TULP4: variants seen among roughly 807,000 people sequenced by gnomAD.
The protein encoded by TULP4 is tubby-related protein 4.
In TULP4, 16 loss-of-function variants were observed where a neutral mutation model predicts 129.0. The observed-to-expected ratio is 0.12, with a 90% CI of 0.08 to 0.19. TULP4 has a LOEUF of 0.19. TULP4 is among the 10% of genes least tolerant of loss of function. TULP4 has a pLI of 1.00. For missense variants in TULP4, 1,842 were observed against 2,059.1 expected, an observed-to-expected ratio of 0.89 and a Z score of 2.04; for synonymous variants, 998 against 854.0, an observed-to-expected ratio of 1.17 and a Z score of -2.94.
At position 158,394,786 on chromosome 6, in the gene TULP4, C is replaced by CAAAAAAAAAAAAA. The variant is rs71030166; in HGVS notation, c.253-18263_253-18251dup. On this transcript the variant is annotated intron_variant, in intron 1 of 13. Transcript: ENST00000367097. ...TGGGCAACTGAGCAAGGCTCTGTCT[C>CAAAAAAAAAAAAA]AAAAAAAAAAAAAAAAAAAAAAAAA... Among the ~76,000 whole-genome samples the CAAAAAAAAAAAAA allele has an allele frequency of 6.1e-4, 28 of 46,016 alleles. 5 individuals are homozygous for CAAAAAAAAAAAAA. Among genetic ancestry groups the CAAAAAAAAAAAAA allele is most frequent in the African/African-American group, 1.6e-3 (15 of 9,448 alleles). 30.2% of individuals were successfully genotyped at this position (46,016 alleles called of 152,430 possible).
chr6:158,365,770 C>T (rs1031163001), intron 1 of TULP4, among the ~76,000 whole-genome samples: 18 of 151,484 alleles, frequency 1.2e-4, no homozygotes, highest in Admixed American at 9.8e-4. Flanking sequence ...CGCGCCCGGC[C>T]TGGAAGTTTT....
intron 1 of TULP4, among the ~76,000 whole-genome samples, chr6:158,375,515 AC>A (rs1283585849): frequency 2.6e-5 from 4 of 152,202 alleles, no homozygotes; most frequent in African/African-American, 9.7e-5. Flanking sequence ...GTGCAGAAGA[AC>A]AGGAGTGAGA....
chr6:158,240,739 G>C (rs1583666776), intron 1 of TULP4, among the ~76,000 whole-genome samples: 1 of 130,592 alleles, frequency 7.7e-6, no homozygotes, highest in African/African-American at 2.6e-5. Flanking sequence ...GGCTGGCCGG[G>C]CGGGGGGCTG....
chr6:158,318,138 T>C (rs1485625118), intron 1 of TULP4, among the ~76,000 whole-genome samples: 1 of 152,162 alleles, frequency 6.6e-6, no homozygotes, highest in African/African-American at 2.4e-5. Context: ...TTTTTACTTT[T>C]AGTTAATTTC....
chr6:158,296,788 C>G (rs1779042741), intron 1 of TULP4, among the ~76,000 whole-genome samples: 1 of 152,066 alleles, frequency 6.6e-6, no homozygotes, highest in East Asian at 1.9e-4. Flanking sequence ...TCAAAACCAA[C>G]AAGTTTTTAT....
At position 158,379,412 on chromosome 6, in the gene TULP4, G is replaced by A. The variant is rs187774562; in HGVS notation, c.253-33653G>A. On this transcript the variant is annotated intron_variant, in intron 1 of 13. Coordinates refer to ENST00000367097, the MANE Select transcript of TULP4 (RefSeq NM_020245.5). Reference sequence around the variant, plus strand: ...TGCTCAGTCCAGAGCAGTTATTAGGGGACTTATGGACAGAGTGCTGCAGCA... The same window carrying A: ...TGCTCAGTCCAGAGCAGTTATTAGGAGACTTATGGACAGAGTGCTGCAGCA... 4.6e-5 allele frequency among the ~76,000 whole-genome samples: 7 copies of A among 152,292 alleles called. No individual in the cohort carries two copies. In the East Asian group the frequency reaches 1.4e-3, roughly 29 times the overall value.
At chr6:158,343,601 T>C (rs1774553) in intron 1 of TULP4, among the ~76,000 whole-genome samples, 130,907 of 152,000 alleles carry the variant, frequency 0.86, 56,804 homozygotes, top group South Asian at 0.93. Flanking sequence ...CCACCTGCAG[T>C]CCAGAAAAGA....
At chr6:158,392,199 G>A (rs532446259) in intron 1 of TULP4, among the ~76,000 whole-genome samples, 5 of 152,136 alleles carry the variant, frequency 3.3e-5, no homozygotes, top group African/African-American at 4.8e-5. Context: ...TTGTGCAGGG[G>A]AACTAATCTT....
chr6:158,402,388 T>C (rs1777872698), intron 1 of TULP4, among the ~76,000 whole-genome samples: 2 of 152,196 alleles, frequency 1.3e-5, no homozygotes, highest in South Asian at 4.1e-4. Flanking sequence ...AGAGAGGATG[T>C]GGATGGAGTC....
At chr6:158,253,446 G>A (rs529527360) in intron 1 of TULP4, among the ~76,000 whole-genome samples, 9 of 152,314 alleles carry the variant, frequency 5.9e-5, no homozygotes, top group Admixed American at 4.6e-4. Context: ...GAGATGGAGA[G>A]GGCGGGCAGG....
Position 158,479,948 on chromosome 6 carries a change from C to G in TULP4, c.1224C>G (p.Leu408=), listed in dbSNP as rs745319492. 9 of 1,608,880 alleles carry G rather than the reference C, an allele frequency of 5.6e-6. No individual in the cohort carries two copies. Among genetic ancestry groups the G allele is most frequent in the Admixed American group, 3.3e-5 (2 of 60,000 alleles). Residue 408 remains leucine, a synonymous_variant, in exon 7 of 14, where the codon CTC becomes CTG. Coordinates refer to ENST00000367097, the MANE Select transcript of TULP4 (RefSeq NM_020245.5). ...TGCCCCCCCGCCTCTGCTCCTACCT[C>G]TCCACTGCCTTCATCCCCACCATCA... The part of the protein sequence containing the change: ...LTLPPRLCSY[L]STAFIPTIKP...
Position 158,483,779 on chromosome 6 carries a change from G to A in TULP4, c.1486+2490G>A, listed in dbSNP as rs147805907. Among the ~76,000 whole-genome samples, 602 of 152,246 alleles carry A rather than the reference G, an allele frequency of 4.0e-3. 4 individuals are homozygous for A. The highest frequency in any genetic ancestry group is 0.014 in the African/African-American group (577 of 41,532). On this transcript the variant is annotated intron_variant, in intron 8 of 13. Coordinates refer to ENST00000367097, the MANE Select transcript of TULP4 (RefSeq NM_020245.5). The stretch of plus-strand genomic sequence containing the variant: ...GATTACGATTCATTAGGGCTGGGGT[G>A]GGGCCTACAAACATGCGACTTAATG...
intron 1 of TULP4, among the ~76,000 whole-genome samples, chr6:158,389,512 A>C (rs937251811): frequency 6.6e-6 from 1 of 152,208 alleles, no homozygotes; most frequent in Admixed American, 6.5e-5. Flanking sequence ...TCCCTGAGAC[A>C]AAAGTGAGAC....
intron 1 of TULP4, among the ~76,000 whole-genome samples, chr6:158,303,327 T>C (rs1779160559): frequency 6.6e-6 from 1 of 152,060 alleles, no homozygotes; most frequent in Non-Finnish European, 1.5e-5. Context: ...ATTTTACAGC[T>C]GGGCCTCTGG....
chr6:158,469,628 G>A (rs756047739), intron 6 of TULP4, among the ~76,000 whole-genome samples: 126 of 152,096 alleles, frequency 8.3e-4, no homozygotes, highest in Non-Finnish European at 1.5e-3. Flanking sequence ...TGTGGAAGGC[G>A]TTTGGGGATG....
chr6:158,253,333 CT>C (rs1213056892), intron 1 of TULP4, among the ~76,000 whole-genome samples: 2 of 152,170 alleles, frequency 1.3e-5, no homozygotes, highest in African/African-American at 4.8e-5. Flanking sequence ...GACATGTTGC[CT>C]GAATAAACAC....
chr6:158,363,928 T>A (rs1474102403), intron 1 of TULP4, among the ~76,000 whole-genome samples: 2 of 152,206 alleles, frequency 1.3e-5, no homozygotes, highest in African/African-American at 4.8e-5. Flanking sequence ...ACAGAATTTC[T>A]CTTTATTTAG....
intron 3 of TULP4, among the ~76,000 whole-genome samples, chr6:158,441,043 G>A (rs1314887226): frequency 3.3e-5 from 5 of 152,148 alleles, no homozygotes; most frequent in African/African-American, 4.8e-5. Context: ...TAAGCAAGGC[G>A]CAGTGGCTCA....
chr6:158,298,637 T>C (rs1779080025), intron 1 of TULP4, among the ~76,000 whole-genome samples: 1 of 152,186 alleles, frequency 6.6e-6, no homozygotes, highest in African/African-American at 2.4e-5. Flanking sequence ...TTAACACAAG[T>C]GTATAAATGA....
Sources: gnomAD v4.1 joint callset for allele counts (sites outside exome capture counted in the v4.1 genomes callset) on GRCh38, gnomAD v4.1.1 for gene constraint, MANE v1.5 for transcripts, NCBI Gene and HGNC (gene_info 2026-07-23, HGNC 2026-07-21) for gene names.